The following GATAD1 variants were observed in gnomAD, a reference collection of about 807,000 sequenced individuals.
GATAD1 encodes GATA zinc finger domain containing 1.
GATAD1 carries 12 observed loss-of-function variants against 26.5 expected under a neutral mutation model. The ratio of observed to expected loss-of-function variants is 0.45; its 90% CI spans 0.29 to 0.73. GATAD1 has a LOEUF of 0.73. Ranked by LOEUF, GATAD1 falls within the 30% of genes least tolerant of loss-of-function variation. GATAD1 has a pLI of 0.10. For missense variants in GATAD1, 266 were observed against 342.1 expected (o/e 0.78, Z 1.75); for synonymous variants, 129 against 133.1 (o/e 0.97, Z 0.21).
At chr7:92,463,029 G>A (rs779436004), downstream of GATAD1, 12 of 152,236 alleles carry the variant, frequency 7.9e-5, no homozygotes, top group Admixed American at 5.2e-4. Flanking sequence ...AAAACGTGGT[G>A]AGGTCGTGCA....
chr7:92,470,192 C>A, the GATAD1 span: 6 of 778,298 alleles, frequency 7.7e-6, no homozygotes, highest in Admixed American at 5.1e-5. Context: ...TGGGTGTGGG[C>A]AGTGAAGGTG....
intron 1 of GATAD1, among the ~76,000 whole-genome samples, chr7:92,448,335 T>A (rs1262874284): frequency 6.6e-6 from 1 of 152,264 alleles, no homozygotes; most frequent in Non-Finnish European, 1.5e-5. Flanking sequence ...GTCATTATTG[T>A]AAATGGCAGC....
chr7:92,479,078 C>T, the GATAD1 span, among the ~76,000 whole-genome samples: 2 of 152,188 alleles, frequency 1.3e-5, no homozygotes, highest in African/African-American at 4.8e-5. Flanking sequence ...CATGGGGTTT[C>T]CTTCTCTCGG....
chr7:92,459,346 T>A lies in GATAD1; in HGVS notation c.*2784T>A, dbSNP rs529135154. On this transcript the variant is annotated 3_prime_UTR_variant, in exon 5 of 5. Coordinates refer to ENST00000287957, the MANE Select transcript of GATAD1 (RefSeq NM_021167.5). ...AAACATTTATTAAAATGTAGACTTT[T>A]AAAAATCTATAAATTGATCATCTGT... 6.6e-6 allele frequency: 1 copy of A among 152,244 alleles called. No individual in the cohort carries two copies. The highest frequency in any genetic ancestry group is 2.4e-5 in the African/African-American group (1 of 41,466). The allele number at this position is 152,244 out of a possible 1,614,324, so 9.4% of individuals were successfully genotyped here. A position where few individuals can be genotyped will look rare whatever the true frequency, so the allele number is the denominator to read the frequency against.
At chr7:92,479,437 G>A in the GATAD1 span, among the ~76,000 whole-genome samples, 4 of 152,124 alleles carry the variant, frequency 2.6e-5, no homozygotes, top group Non-Finnish European at 5.9e-5. Flanking sequence ...TTAAGGTGGG[G>A]CAGGAACAAA....
intron 3 of GATAD1, among the ~76,000 whole-genome samples, chr7:92,453,007 T>A (rs1168113341): frequency 1.3e-5 from 2 of 152,178 alleles, no homozygotes; most frequent in Non-Finnish European, 2.9e-5. Context: ...CAGCTATTGA[T>A]GGGTAGGAAC....
the GATAD1 span, chr7:92,489,916 A>C: frequency 6.2e-7 from 1 of 1,612,238 alleles, no homozygotes; most frequent in Non-Finnish European, 8.5e-7. Flanking sequence ...TGAGCTCTGC[A>C]TGGTAAATTG....
chr7:92,480,704 A>C, the GATAD1 span, among the ~76,000 whole-genome samples: 1 of 152,154 alleles, frequency 6.6e-6, no homozygotes, highest in Non-Finnish European at 1.5e-5. Context: ...TGGGAAGGAG[A>C]AAAACTGGCC....
At position 92,450,729 on chromosome 7, in the gene GATAD1, C is replaced by T; in HGVS notation, c.404C>T (p.Thr135Ile). The change falls in exon 3 of 5, where the codon ACT becomes ATT. Residue 135 changes from threonine (T) to isoleucine (I), a missense_variant. By Grantham distance (89) the Thr-to-Ile change is moderately conservative. Coordinates refer to ENST00000287957, the MANE Select transcript of GATAD1 (RefSeq NM_021167.5). ...ATCAAAGCTCCTGAGTCAGTTTCCA[C>T]TATAATCACTGCAGAATCAATCTTC... Reference protein sequence around the residue: ...NPIKAPESVSTIITAESIFYK... With the variant: ...NPIKAPESVSIIITAESIFYK... 1 of 1,609,836 alleles carries T rather than the reference C, an allele frequency of 6.2e-7. No homozygotes were observed. The highest frequency in any genetic ancestry group is 2.2e-5 in the East Asian group (1 of 44,838).
the GATAD1 span, chr7:92,493,047 A>T: frequency 6.2e-7 from 1 of 1,612,050 alleles, no homozygotes; most frequent in South Asian, 1.1e-5. Context: ...GGAGTCAGTT[A>T]CTGATGCTAC....
At chr7:92,469,584 T>C in the GATAD1 span, 4 of 764,618 alleles carry the variant, frequency 5.2e-6, no homozygotes, top group East Asian at 9.7e-5. Flanking sequence ...AAAATATTCC[T>C]GAGGGTAGGC....
At chr7:92,492,365 G>A in the GATAD1 span, among the ~76,000 whole-genome samples, 1 of 152,194 alleles carries the variant, frequency 6.6e-6, no homozygotes, top group Non-Finnish European at 1.5e-5. Flanking sequence ...AGTGGGTACA[G>A]TTTGTGCAAC....
At chr7:92,449,743 G>A in intron 2 of GATAD1, 2 of 341,202 alleles carry the variant, frequency 5.9e-6, no homozygotes, top group Non-Finnish European at 8.3e-6. Context: ...TACATGTGCA[G>A]AATGTGCAGG....
At chr7:92,461,712 T>A (rs1789927324), downstream of GATAD1, among the ~76,000 whole-genome samples, 2 of 152,314 alleles carry the variant, frequency 1.3e-5, no homozygotes, top group Admixed American at 6.5e-5. Flanking sequence ...AACAGCTCCC[T>A]CATGTGGCTG....
Position 92,447,805 on chromosome 7 carries a change from G to C in GATAD1, c.76G>C (p.Gly26Arg), listed in dbSNP as rs970308260. ...SSSMWKKGAQGEILCHHCTGR... is the reference protein window; with the variant it reads ...SSSMWKKGAQREILCHHCTGR... ...CTCCATGTGGAAGAAGGGAGCGCAG[G>C]GGGAGATCCTCTGCCATCATTGCAC... Residue 26 changes from glycine to arginine, a missense_variant, in exon 1 of 5, where the codon GGG (glycine) becomes CGG (arginine). Coordinates refer to ENST00000287957, the MANE Select transcript of GATAD1 (RefSeq NM_021167.5). The C allele has an allele frequency of 2.7e-6, 4 of 1,492,066 alleles. No homozygotes were observed. Among genetic ancestry groups the C allele is most frequent in the African/African-American group, 1.5e-5 (1 of 68,246 alleles). 92.4% of individuals were successfully genotyped at this position (1,492,066 alleles called of 1,614,324 possible). A position where few individuals can be genotyped will look rare whatever the true frequency, so the allele number is the denominator to read the frequency against.
At chr7:92,461,141 TC>T (rs1370251996), downstream of GATAD1, among the ~76,000 whole-genome samples, 1 of 152,242 alleles carries the variant, frequency 6.6e-6, no homozygotes, top group Non-Finnish European at 1.5e-5. Context: ...GGGAGTGACT[TC>T]CTTCAGCTTC....
intron 4 of GATAD1, among the ~76,000 whole-genome samples, chr7:92,456,005 T>C: frequency 6.6e-6 from 1 of 152,220 alleles, no homozygotes; most frequent in Non-Finnish European, 1.5e-5. Flanking sequence ...GCCATGTGAC[T>C]TTGGCAAGTT....
At chr7:92,488,527 G>C in the GATAD1 span, among the ~76,000 whole-genome samples, 4 of 152,040 alleles carry the variant, frequency 2.6e-5, no homozygotes, top group Non-Finnish European at 5.9e-5. Flanking sequence ...CAATTGCAAG[G>C]ATCCTTTAAA....
At chr7:92,484,289 A>G in the GATAD1 span, among the ~76,000 whole-genome samples, 53 of 152,230 alleles carry the variant, frequency 3.5e-4, 1 homozygote, top group South Asian at 0.011. Context: ...GGAGGGCAGA[A>G]GTTTGCCCAT....
Sources: gnomAD v4.1 joint callset for allele counts (sites outside exome capture counted in the v4.1 genomes callset) on GRCh38, gnomAD v4.1.1 for gene constraint, MANE v1.5 for transcripts, NCBI Gene and HGNC (gene_info 2026-07-23, HGNC 2026-07-21) for gene names.